Variants in CD36 observed in about 807,000 individuals in gnomAD.
The protein encoded by CD36 is platelet glycoprotein 4.
A neutral mutation model predicts 55.2 loss-of-function variants in CD36; 119 were observed. The observed-to-expected ratio is 2.15, with a 90% CI of 1.86 to 2.51. CD36 has a LOEUF of 2.51. CD36 is among the 30% of genes most tolerant of loss of function. CD36 has a pLI of 0.00. For missense variants in CD36, 819 were observed against 555.5 expected (o/e 1.47, Z -4.77); for synonymous variants, 186 against 193.6 (o/e 0.96, Z 0.33).
intron 1 of CD36, among the ~76,000 whole-genome samples, chr7:80,623,551 G>A (rs902602727): frequency 6.6e-6 from 1 of 152,044 alleles, no homozygotes; most frequent in Non-Finnish European, 1.5e-5. Flanking sequence ...TTTGATTTGT[G>A]TTGCATATAC....
At chr7:80,602,593 T>A (rs1792300888) in intron 1 of CD36, among the ~76,000 whole-genome samples, 1 of 152,152 alleles carries the variant, frequency 6.6e-6, no homozygotes, top group African/African-American at 2.4e-5. Context: ...ACCTCACATA[T>A]CCACAAGTCT....
chr7:80,660,978 A>G, intron 4 of CD36, 85 bp from the exon 5 acceptor site: 1 of 1,048,166 alleles, frequency 9.5e-7, no homozygotes, highest in Non-Finnish European at 1.5e-6. Flanking sequence ...TGTGTTCAAA[A>G]ATCATTTGTT....
At chr7:80,642,676 C>T (rs141269993) in intron 1 of CD36, among the ~76,000 whole-genome samples, 34 of 152,040 alleles carry the variant, frequency 2.2e-4, no homozygotes, top group African/African-American at 3.6e-4. Flanking sequence ...ACTAGTGTCA[C>T]GTATTTTGCC....
At chr7:80,619,083 C>T (rs1793319240) in intron 1 of CD36, among the ~76,000 whole-genome samples, 1 of 152,066 alleles carries the variant, frequency 6.6e-6, no homozygotes, top group Admixed American at 6.5e-5. Flanking sequence ...TGCTTACAAC[C>T]ATTATAAAAA....
In CD36 at chr7:80,674,028, G is replaced by A. The variant is rs1183846110; in HGVS notation, c.1300G>A (p.Val434Ile). ...GAAGGCAAACATGTTCAGAAGTCAAGTAACTGGAAAAATAAACCTCCTTGG... is the reference window on the plus strand; with the variant it reads ...GAAGGCAAACATGTTCAGAAGTCAAATAACTGGAAAAATAAACCTCCTTGG... The part of the protein sequence containing the change: ...DEKANMFRSQ[V>I]TGKINLLGLI... Residue 434 changes from valine (V) to isoleucine (I), a missense_variant, in exon 14 of 15, where the codon GTA (valine) becomes ATA (isoleucine). Val to Ile is a conservative substitution (Grantham distance 29). Transcript: ENST00000447544. The A allele has an allele frequency of 9.3e-6, 15 of 1,612,290 alleles. No homozygotes were observed. The highest frequency in any genetic ancestry group is 5.1e-6 in the Non-Finnish European group (6 of 1,178,922).
chr7:80,658,261 T>C (rs1796245557), intron 4 of CD36, among the ~76,000 whole-genome samples: 1 of 145,822 alleles, frequency 6.9e-6, no homozygotes, highest in Admixed American at 6.9e-5. Flanking sequence ...TGTTGTTAGG[T>C]GTACCATATA....
chr7:80,664,900 C>CA (rs1796909231), intron 7 of CD36, among the ~76,000 whole-genome samples: 1 of 147,034 alleles, frequency 6.8e-6, no homozygotes, highest in African/African-American at 2.5e-5. Flanking sequence ...TAGATGGAAA[C>CA]TTTTTTTTTA....
upstream of CD36, among the ~76,000 whole-genome samples, chr7:80,635,377 C>T (rs751465185): frequency 2.0e-4 from 30 of 151,976 alleles, no homozygotes; most frequent in Non-Finnish European, 3.7e-4. Flanking sequence ...CAGGTTCAAG[C>T]GATTTTCCTG....
At chr7:80,651,238 G>C (rs574994814) in intron 3 of CD36, among the ~76,000 whole-genome samples, 5 of 152,104 alleles carry the variant, frequency 3.3e-5, no homozygotes, top group Non-Finnish European at 7.4e-5. Flanking sequence ...GCTAATCGAG[G>C]GTGGGAAGGG....
chr7:80,662,725 A>G (rs1796648111), intron 5 of CD36: 1 of 438,108 alleles, frequency 2.3e-6, no homozygotes, highest in South Asian at 2.1e-5. Flanking sequence ...TGCATTAGAT[A>G]TTTGAGAAGA....
chr7:80,605,714 T>C (rs1029368403), intron 1 of CD36, among the ~76,000 whole-genome samples: 1 of 152,216 alleles, frequency 6.6e-6, no homozygotes, highest in Non-Finnish European at 1.5e-5. Context: ...AATTATTTCT[T>C]CTTGAACTAT....
At chr7:80,662,755 A>G (rs888894220) in intron 5 of CD36, among the ~76,000 whole-genome samples, 1 of 152,116 alleles carries the variant, frequency 6.6e-6, no homozygotes, top group Non-Finnish European at 1.5e-5. Context: ...GTGTATCGTT[A>G]AATAAATAGA....
intron 12 of CD36, 186 bp from the exon 13 acceptor site, chr7:80,673,169 T>C (rs1797883520): frequency 3.9e-6 from 2 of 514,736 alleles, no homozygotes; most frequent in South Asian, 6.3e-5. Flanking sequence ...TGAAAAAAAA[T>C]CAATGTGATT....
chr7:80,637,586 T>C (rs974370356), upstream of CD36, among the ~76,000 whole-genome samples: 1 of 151,964 alleles, frequency 6.6e-6, no homozygotes, highest in African/African-American at 2.4e-5. Context: ...TTTTCAGTTG[T>C]ATGGCACTGC....
chr7:80,670,571 G>A (rs534095989), intron 9 of CD36: 94 of 229,346 alleles, frequency 4.1e-4, no homozygotes, highest in African/African-American at 2.1e-3. Flanking sequence ...CTTGGTAAAC[G>A]ATGGAAATGT....
At chr7:80,644,379 G>C (rs936710348) in intron 1 of CD36, among the ~76,000 whole-genome samples, 1 of 152,078 alleles carries the variant, frequency 6.6e-6, no homozygotes, top group Non-Finnish European at 1.5e-5. Context: ...TAAAGAACTA[G>C]TCAGTCTTCT....
At chr7:80,674,865 AGTT>A (rs1245028510) in intron 14 of CD36, among the ~76,000 whole-genome samples, 1 of 152,116 alleles carries the variant, frequency 6.6e-6, no homozygotes, top group South Asian at 2.1e-4. Context: ...TAACTTATTT[AGTT>A]GTTTACTGTG....
chr7:80,671,099 C>G lies in CD36; in HGVS notation c.941C>G (p.Thr314Arg). ...AACCCAGACAACTATTGTTTCTGCA[C>G]AGAAAAAATTATCTCAAAAAATTGT... is the stretch of plus-strand genomic sequence containing the variant. ...VENPDNYCFC[T>R]EKIISKNCTS... Residue 314 changes from threonine to arginine, a missense_variant, in exon 10 of 15, where the codon ACA becomes AGA. Transcript: ENST00000447544. 1 of 1,613,144 alleles carries G rather than the reference C, an allele frequency of 6.2e-7. No individual in the cohort carries two copies. The highest frequency in any genetic ancestry group is 1.3e-5 in the African/African-American group (1 of 74,980).
chr7:80,625,530 T>G (rs892186888), intron 1 of CD36, among the ~76,000 whole-genome samples: 1 of 152,182 alleles, frequency 6.6e-6, no homozygotes, highest in Non-Finnish European at 1.5e-5. Flanking sequence ...CAAAAAATCA[T>G]AACCTTGCTT....
Sources: gnomAD v4.1 joint callset for allele counts (sites outside exome capture counted in the v4.1 genomes callset) on GRCh38, gnomAD v4.1.1 for gene constraint, MANE v1.5 for transcripts, NCBI Gene and HGNC (gene_info 2026-07-23, HGNC 2026-07-21) for gene names.